Variants in NEBL observed in about 807,000 individuals in gnomAD.
NEBL encodes nebulette, also known as LIM and SH3 protein 2.
NEBL carries 122 observed loss-of-function variants against 140.2 expected under a neutral mutation model. That is an observed-to-expected ratio of 0.87 (90% CI 0.75 to 1.01). The LOEUF is 1.01. Among genes scored for constraint, NEBL ranks in the 50% least tolerant of loss-of-function variants. The pLI is 0.00. For missense variants in NEBL, 1,365 were observed against 1,231.3 expected, an observed-to-expected ratio of 1.11 and a Z score of -1.62; for synonymous variants, 436 against 398.9, an observed-to-expected ratio of 1.09 and a Z score of -1.11.
chr10:20,823,251 G>T lies in NEBL; in HGVS notation c.1919C>A (p.Pro640Gln). 6.2e-7 allele frequency: 1 copy of T among 1,609,622 alleles called. No individual in the cohort carries two copies. ...IKHATAISDPPELKRVKENQK... is the reference protein window; with the variant it reads ...IKHATAISDPQELKRVKENQK... ...GTTTTCTTTAACTCTCTTTAGTTCT[G>T]GAGGATCAGAAATGGCTGTTGCATG... Residue 640 changes from proline to glutamine, a missense_variant, in exon 19 of 28, where the codon CCA (proline) becomes CAA (glutamine). By Grantham distance (76) the Pro-to-Gln change is moderately conservative. Transcript: ENST00000377122.
intron 2 of NEBL, among the ~76,000 whole-genome samples, chr10:21,094,492 T>C (rs1837080851): frequency 1.1e-5 from 1 of 95,208 alleles, no homozygotes; most frequent in South Asian, 4.1e-4. Context: ...ACAGCGAGAC[T>C]CCGTCTCAAA....
At chr10:20,931,457 A>T (rs761241991) in intron 4 of NEBL, among the ~76,000 whole-genome samples, 10 of 152,236 alleles carry the variant, frequency 6.6e-5, no homozygotes, top group Non-Finnish European at 1.2e-4. Context: ...AGAATTGAAA[A>T]CATAAGAGAT....
Position 20,784,106 on chromosome 10 carries a change from T to C in NEBL, c.*1641A>G, listed in dbSNP as rs1835203727. 1 of 152,242 alleles carries C rather than the reference T, an allele frequency of 6.6e-6. No homozygotes were observed. Among genetic ancestry groups the C allele is most frequent in the African/African-American group, 2.4e-5 (1 of 41,466 alleles). The allele number at this position is 152,242 out of a possible 1,614,324, so 9.4% of individuals were successfully genotyped here. The stretch of plus-strand genomic sequence containing the variant: ...TTAAACGATGTTTTACAGGATGTTT[T>C]GTTAATTTCCTTGAATATAACATAT... On this transcript the variant is annotated 3_prime_UTR_variant, in exon 28 of 28. Coordinates refer to ENST00000377122, the MANE Select transcript of NEBL (RefSeq NM_006393.3).
intron 4 of NEBL, among the ~76,000 whole-genome samples, chr10:20,943,359 A>G (rs1347352952): frequency 2.1e-4 from 32 of 152,222 alleles, no homozygotes; most frequent in Non-Finnish European, 5.9e-5. Context: ...CAAACACCGC[A>G]TGTTCTCATT....
chr10:20,895,728 A>C (rs953699613), intron 2 of NEBL, among the ~76,000 whole-genome samples: 2 of 152,232 alleles, frequency 1.3e-5, no homozygotes, highest in African/African-American at 4.8e-5. Context: ...GGGAAAGGGT[A>C]TGATTTCCAC....
intron 2 of NEBL, among the ~76,000 whole-genome samples, chr10:21,086,347 C>T (rs894912472): frequency 6.6e-6 from 1 of 152,190 alleles, no homozygotes; most frequent in African/African-American, 2.4e-5. Flanking sequence ...GACCCTATAA[C>T]TCAAACAAGG....
chr10:21,110,740 T>C, intron 2 of NEBL: 2 of 504,558 alleles, frequency 4.0e-6, no homozygotes, highest in South Asian at 3.0e-5. Context: ...CAACAAAGAT[T>C]ATCGCTTTAA....
chr10:21,250,089 A>G (rs1842568079), intron 2 of NEBL, among the ~76,000 whole-genome samples: 2 of 152,166 alleles, frequency 1.3e-5, no homozygotes, highest in Non-Finnish European at 1.5e-5. Context: ...ATATTTCACA[A>G]TGGATCTCTG....
At chr10:20,825,710 T>A (rs1447893328) in intron 18 of NEBL, among the ~76,000 whole-genome samples, 7 of 151,180 alleles carry the variant, frequency 4.6e-5, no homozygotes, top group African/African-American at 1.7e-4. Flanking sequence ...TGGGAGAATA[T>A]CAAATTGGTA....
At chr10:20,795,506 A>G (rs1361456738) in intron 26 of NEBL, among the ~76,000 whole-genome samples, 1 of 152,166 alleles carries the variant, frequency 6.6e-6, no homozygotes, top group Non-Finnish European at 1.5e-5. Context: ...GATTTATTGT[A>G]AGAGTCATTT....
intron 1 of NEBL, among the ~76,000 whole-genome samples, chr10:21,254,449 GT>G (rs375068938): frequency 5.5e-4 from 82 of 149,094 alleles, no homozygotes; most frequent in Admixed American, 4.2e-3. Context: ...ATTGTCTTTT[GT>G]TTTTTTTTTC....
intron 2 of NEBL, among the ~76,000 whole-genome samples, chr10:21,052,336 A>G (rs1165943696): frequency 1.3e-5 from 2 of 152,232 alleles, no homozygotes; most frequent in Non-Finnish European, 2.9e-5. Flanking sequence ...TCAAGTCTGC[A>G]TTTTGCTAAA....
chr10:20,884,261 G>C (rs1846263713), intron 4 of NEBL, among the ~76,000 whole-genome samples: 1 of 151,598 alleles, frequency 6.6e-6, no homozygotes, highest in African/African-American at 2.4e-5. Flanking sequence ...ATTTATTTTA[G>C]AGATGGAGTC....
At chr10:21,279,053 C>G (rs1054234511) in intron 1 of NEBL, among the ~76,000 whole-genome samples, 4 of 152,164 alleles carry the variant, frequency 2.6e-5, no homozygotes, top group Non-Finnish European at 5.9e-5. Flanking sequence ...CTGTGCCTTA[C>G]AGAGGCGGGC....
At chr10:21,142,413 T>G (rs962051977) in intron 2 of NEBL, among the ~76,000 whole-genome samples, 1 of 152,004 alleles carries the variant, frequency 6.6e-6, no homozygotes, top group Admixed American at 6.6e-5. Context: ...ACTCAGTCCA[T>G]GGCAAAACTA....
At chr10:21,274,535 C>T (rs142532097) in intron 1 of NEBL, among the ~76,000 whole-genome samples, 47 of 152,298 alleles carry the variant, frequency 3.1e-4, no homozygotes, top group African/African-American at 1.0e-3. Context: ...AAACAATTCT[C>T]GTGCCTCAGC....
intron 5 of NEBL, among the ~76,000 whole-genome samples, chr10:20,877,262 C>A (rs1427607475): frequency 6.6e-6 from 1 of 152,168 alleles, no homozygotes; most frequent in African/African-American, 2.4e-5. Flanking sequence ...TCGTTGTCCC[C>A]ATTTTACAGA....
At chr10:21,271,843 G>T (rs994892137) in intron 1 of NEBL, among the ~76,000 whole-genome samples, 1 of 152,008 alleles carries the variant, frequency 6.6e-6, no homozygotes, top group South Asian at 2.1e-4. Context: ...GATCTTAAAT[G>T]TTCCCACCAC....
At chr10:21,145,536 A>G (rs956934560) in intron 2 of NEBL, among the ~76,000 whole-genome samples, 2 of 152,224 alleles carry the variant, frequency 1.3e-5, no homozygotes, top group Non-Finnish European at 2.9e-5. Context: ...GAATAAATGA[A>G]TATGTATACA....
Sources: allele counts gnomAD v4.1 joint callset (sites outside exome capture counted in the v4.1 genomes callset), GRCh38; gene constraint gnomAD v4.1.1; transcripts MANE v1.5; gene names NCBI Gene and HGNC (gene_info 2026-07-23, HGNC 2026-07-21).